The following NCOR1 variants were observed in gnomAD, a reference collection of about 807,000 sequenced individuals.
NCOR1 encodes the protein protein phosphatase 1, regulatory subunit 109.
Under a neutral mutation model 288.1 loss-of-function variants are expected in NCOR1, and 63 were observed. The ratio of observed to expected loss-of-function variants is 0.22; its 90% CI spans 0.18 to 0.27. The LOEUF is 0.27. Ranked by LOEUF, NCOR1 falls within the 10% of genes least tolerant of loss-of-function variation. The probability of loss-of-function intolerance (pLI) is 1.00; values close to 1 mark genes in which losing one functional copy is unlikely to be tolerated. For synonymous variants in NCOR1, 1,007 were observed against 1,065.9 expected (o/e 0.94, Z 1.08); for missense variants, 2,397 against 3,019.2 (o/e 0.79, Z 4.83).
Position 16,068,116 on chromosome 17 carries a change from T to C in NCOR1, c.4519A>G (p.Ile1507Val), listed in dbSNP as rs1194126440. 13 of 1,605,422 alleles carry C rather than the reference T, an allele frequency of 8.1e-6. No individual in the cohort carries two copies. The highest frequency in any genetic ancestry group is 5.6e-5 in the South Asian group (5 of 90,066). Residue 1507 changes from isoleucine to valine, a missense_variant, in exon 32 of 46, where the codon ATT becomes GTT. By Grantham distance (29) the Ile-to-Val change is conservative. Coordinates refer to ENST00000268712, the MANE Select transcript of NCOR1 (RefSeq NM_006311.4). ...TGATTGGTAGACTTGTTAGAAGAAA[T>C]TGTAACTGGAAAAAAAGAGCCAATG... is the stretch of plus-strand genomic sequence containing the variant. ...PMMNRTSDVTISSNKSTNHER... is the reference protein window; with the variant it reads ...PMMNRTSDVTVSSNKSTNHER...
intron 14 of NCOR1, among the ~76,000 whole-genome samples, chr17:16,132,062 G>A (rs1568234385): frequency 6.6e-6 from 1 of 152,240 alleles, no homozygotes; most frequent in African/African-American, 2.4e-5. Context: ...TTTCTATCTA[G>A]TGACTAGCTA....
At chr17:16,057,419 C>A (rs776774400) in intron 40 of NCOR1, 95 bp downstream of exon 40, 6 of 1,262,424 alleles carry the variant, frequency 4.8e-6, no homozygotes, top group Non-Finnish European at 6.8e-6. Flanking sequence ...GGCAAATGAA[C>A]TTTAGTTGTG....
At chr17:16,197,918 T>A (rs2090133961) in intron 1 of NCOR1, among the ~76,000 whole-genome samples, 1 of 152,118 alleles carries the variant, frequency 6.6e-6, no homozygotes, top group Non-Finnish European at 1.5e-5. Context: ...GCTACCCAGT[T>A]ACACTCCCAG....
chr17:16,126,064 A>T lies in NCOR1; in HGVS notation c.1634+18T>A. ...AAATAAACATTTAACTTATTATATA[A>T]CTAATTATTTAACTCACTTGGAGTC... On this transcript the variant is annotated intron_variant, in intron 15 of 45. Coordinates refer to ENST00000268712, the MANE Select transcript of NCOR1 (RefSeq NM_006311.4). 9.2e-7 allele frequency: 1 copy of T among 1,084,240 alleles called. No homozygotes were observed. The highest frequency in any genetic ancestry group is 1.3e-6 in the Non-Finnish European group (1 of 767,320). The allele number at this position is 1,084,240 out of a possible 1,614,324, so 67.2% of individuals were successfully genotyped here.
intron 19 of NCOR1, among the ~76,000 whole-genome samples, chr17:16,107,180 C>A (rs2068949028): frequency 6.6e-6 from 1 of 152,016 alleles, no homozygotes; most frequent in Non-Finnish European, 1.5e-5. Flanking sequence ...CAGGCATGAG[C>A]CACTGCGCCC....
At chr17:16,193,765 C>T (rs550246240) in intron 2 of NCOR1, among the ~76,000 whole-genome samples, 1 of 152,118 alleles carries the variant, frequency 6.6e-6, no homozygotes. Context: ...ACAGGAACAA[C>T]GTAAGAATGT....
intron 9 of NCOR1, among the ~76,000 whole-genome samples, chr17:16,147,336 G>C (rs1345040932): frequency 6.6e-6 from 1 of 152,110 alleles, no homozygotes; most frequent in South Asian, 2.1e-4. Context: ...TTGAACCCAG[G>C]AGGTGGAGGT....
chr17:16,075,604 G>C lies in NCOR1; in HGVS notation c.3600C>G (p.Gly1200=). 6 of 1,614,150 alleles carry C rather than the reference G, an allele frequency of 3.7e-6. 2 individuals carry two copies. In the South Asian group the frequency reaches 6.6e-5, roughly 18 times the overall value. The change falls in exon 27 of 46, where the codon GGC becomes GGG. Residue 1200 remains glycine (G), a synonymous_variant. Transcript: ENST00000268712. ...GGCCTTTGGATGCAGCTTCCTCTCT[G>C]CCTTTCTCAGGACTGCTGTCTTCAA... The part of the protein sequence containing the change: ...MPIEDSSPEK[G]REEAASKGHV...
intron 6 of NCOR1, among the ~76,000 whole-genome samples, chr17:16,155,391 A>ACC (rs1568368295): frequency 2.0e-5 from 3 of 150,900 alleles, no homozygotes; most frequent in African/African-American, 7.3e-5. Context: ...ACACACACAC[A>ACC]CCCACAAAGA....
chr17:16,070,621 G>T, intron 30 of NCOR1, 96 bp from the exon 31 acceptor site: 1 of 1,486,616 alleles, frequency 6.7e-7, no homozygotes, highest in East Asian at 2.3e-5. Context: ...ACAGTTCACT[G>T]TGGTGATCTT....
At chr17:16,155,070 G>A (rs2079500965) in intron 6 of NCOR1, among the ~76,000 whole-genome samples, 2 of 152,082 alleles carry the variant, frequency 1.3e-5, no homozygotes, top group African/African-American at 4.8e-5. Flanking sequence ...ATATAAACAA[G>A]GCAGGTCATG....
At chr17:16,069,412 C>A (rs2061491160) in intron 31 of NCOR1, among the ~76,000 whole-genome samples, 1 of 151,954 alleles carries the variant, frequency 6.6e-6, no homozygotes, top group Non-Finnish European at 1.5e-5. Context: ...GCTCACAGTG[C>A]CCAGCCCAGG....
intron 19 of NCOR1, among the ~76,000 whole-genome samples, chr17:16,105,617 C>T (rs1203896041): frequency 6.6e-6 from 1 of 152,112 alleles, no homozygotes; most frequent in East Asian, 1.9e-4. Context: ...CATGAGTTTG[C>T]TTTGGCTGTT....
At chr17:16,095,338 C>T (rs1441797666) in intron 21 of NCOR1, among the ~76,000 whole-genome samples, 1 of 150,098 alleles carries the variant, frequency 6.7e-6, no homozygotes. Flanking sequence ...GCTGCCACCC[C>T]GTCTGGGAAG....
intron 21 of NCOR1, among the ~76,000 whole-genome samples, chr17:16,096,074 A>G (rs984553274): frequency 1.3e-5 from 2 of 152,192 alleles, no homozygotes; most frequent in Admixed American, 6.5e-5. Flanking sequence ...ACTCAGGGTT[A>G]AATGGATTAA....
At position 16,047,084 on chromosome 17, in the gene NCOR1, G is replaced by A; in HGVS notation, c.6546C>T (p.Ala2182=). ...GAEPAEQRND[A]RSPGSISYLP... is the part of the protein sequence containing the mutation. ...AGTAGCTTATACTCCCTGGTGAGCG[G>A]GCATCATTCCTGTTAGGGCCAAAGT... Residue 2182 remains alanine (A), a synonymous_variant, in exon 42 of 46, where the codon GCC becomes GCT. Transcript: ENST00000268712. 6.2e-7 allele frequency: 1 copy of A among 1,611,686 alleles called. No homozygotes were observed. The highest frequency in any genetic ancestry group is 8.5e-7 in the Non-Finnish European group (1 of 1,178,950).
intron 19 of NCOR1, among the ~76,000 whole-genome samples, chr17:16,105,050 C>G (rs964015142): frequency 6.6e-6 from 1 of 152,180 alleles, no homozygotes; most frequent in Non-Finnish European, 1.5e-5. Flanking sequence ...AAAAAAGCAG[C>G]TGGCAGAAAG....
intron 29 of NCOR1, 21 bp downstream of exon 29, chr17:16,072,124 C>T: frequency 6.4e-7 from 1 of 1,564,296 alleles, no homozygotes; most frequent in Non-Finnish European, 8.7e-7. Flanking sequence ...AATAAAAATG[C>T]AAAACAAGCA....
intron 11 of NCOR1, among the ~76,000 whole-genome samples, chr17:16,140,874 C>G (rs926361144): frequency 6.6e-6 from 1 of 151,730 alleles, no homozygotes; most frequent in Non-Finnish European, 1.5e-5. Context: ...ACCAGTAGTC[C>G]CAGCTATTCA....
Sources: gnomAD v4.1 joint callset for allele counts (sites outside exome capture counted in the v4.1 genomes callset) on GRCh38, gnomAD v4.1.1 for gene constraint, MANE v1.5 for transcripts, NCBI Gene and HGNC (gene_info 2026-07-23, HGNC 2026-07-21) for gene names.